C6orf118: variants seen among roughly 807,000 people sequenced by gnomAD.
C6orf118 encodes the protein chromosome 6 open reading frame 118.
C6orf118 carries 50 observed loss-of-function variants against 50.2 expected under a neutral mutation model. The ratio of observed to expected loss-of-function variants is 1.00; its 90% CI spans 0.79 to 1.26. The LOEUF is 1.26. Ranked by LOEUF, C6orf118 falls within the 50% of genes most tolerant of loss-of-function variation. The pLI is 0.00. For missense variants in C6orf118, 641 were observed against 578.7 expected, an observed-to-expected ratio of 1.11 and a Z score of -1.10; for synonymous variants, 239 against 230.9, an observed-to-expected ratio of 1.03 and a Z score of -0.32.
Position 165,299,347 on chromosome 6 carries a change from TG to T in C6orf118, c.936+95del. ...GCTATTCTAAATTATGGGGCACACATGGGGCTTCTTGGATTCAGAAAGGTTT... is the reference window on the plus strand; with the variant it reads ...GCTATTCTAAATTATGGGGCACACATGGGCTTCTTGGATTCAGAAAGGTTT... On this transcript the variant is annotated intron_variant, in intron 4 of 8. Coordinates refer to ENST00000230301, the MANE Select transcript of C6orf118 (RefSeq NM_144980.4). 3 of 1,051,970 alleles carry T rather than the reference TG, an allele frequency of 2.9e-6. No individual in the cohort carries two copies. In the Admixed American group the frequency reaches 5.5e-5, roughly 19 times the overall value. The allele number at this position is 1,051,970 out of a possible 1,614,324, so 65.2% of individuals were successfully genotyped here.
intron 7 of C6orf118, among the ~76,000 whole-genome samples, chr6:165,287,368 A>G (rs1422945454): frequency 6.6e-6 from 1 of 152,196 alleles, no homozygotes; most frequent in African/African-American, 2.4e-5. Flanking sequence ...AGTAGCTTAT[A>G]CATTCAATGC....
At chr6:165,297,554 C>T (rs1201245014) in intron 5 of C6orf118, among the ~76,000 whole-genome samples, 1 of 151,990 alleles carries the variant, frequency 6.6e-6, no homozygotes, top group African/African-American at 2.4e-5. Context: ...TTCCTTTAAT[C>T]TTTTTTCAAA....
At chr6:165,307,311 C>T (rs1780775218) in intron 1 of C6orf118, among the ~76,000 whole-genome samples, 1 of 146,816 alleles carries the variant, frequency 6.8e-6, no homozygotes, top group South Asian at 2.2e-4. Flanking sequence ...GTAATCTCAG[C>T]ACTTTGGGAG....
intron 1 of C6orf118, among the ~76,000 whole-genome samples, chr6:165,305,087 A>G (rs991125106): frequency 1.4e-5 from 1 of 71,896 alleles, no homozygotes; most frequent in Non-Finnish European, 2.5e-5. Context: ...ACAAGGCTAC[A>G]GTAACCAAAA....
At chr6:165,309,118 G>C (rs1780848456) in intron 1 of C6orf118, among the ~76,000 whole-genome samples, 1 of 152,236 alleles carries the variant, frequency 6.6e-6, no homozygotes, top group Admixed American at 6.5e-5. Flanking sequence ...CTTCTGACTT[G>C]ATGAATGTGG....
chr6:165,298,133 A>T, intron 4 of C6orf118, 32 bp from the exon 5 acceptor site: 4 of 1,541,042 alleles, frequency 2.6e-6, no homozygotes, highest in Non-Finnish European at 3.5e-6. Flanking sequence ...AGGTGAGACA[A>T]GCACACAGGG....
chr6:165,292,311 C>A (rs948297363), intron 6 of C6orf118, among the ~76,000 whole-genome samples: 2 of 152,076 alleles, frequency 1.3e-5, no homozygotes, highest in African/African-American at 2.4e-5. Context: ...AGATAGAAAG[C>A]TTTGGGAAAA....
chr6:165,280,044 A>T lies in C6orf118; in HGVS notation c.*13T>A, dbSNP rs997079917. The T allele has an allele frequency of 1.9e-6, 3 of 1,599,752 alleles. No homozygotes were observed. The highest frequency in any genetic ancestry group is 2.5e-6 in the Non-Finnish European group (3 of 1,176,488). On this transcript the variant is annotated 3_prime_UTR_variant, in exon 9 of 9. Transcript: ENST00000230301. ...AAGAATTTCCACTGGCCATTTGTTC[A>T]GCCACTTGAGCGTTATCTTCTGTTT...
At chr6:165,288,197 T>A (rs1226500718) in intron 7 of C6orf118, among the ~76,000 whole-genome samples, 1 of 152,138 alleles carries the variant, frequency 6.6e-6, no homozygotes, top group Non-Finnish European at 1.5e-5. Flanking sequence ...ACATCACTGG[T>A]CATCAGAGAA....
Position 165,290,086 on chromosome 6 carries a change from A to G in C6orf118, c.1121-19T>C. The stretch of plus-strand genomic sequence containing the variant: ...GATGATTCTGGAAATATTTTTTAAA[A>G]CAAAGTATTACCATGTTTAATATCT... On this transcript the variant is annotated intron_variant, in intron 6 of 8. Coordinates refer to ENST00000230301, the MANE Select transcript of C6orf118 (RefSeq NM_144980.4). The G allele has an allele frequency of 6.8e-7, 1 of 1,467,470 alleles. No individual in the cohort carries two copies. Among genetic ancestry groups the G allele is most frequent in the South Asian group, 1.2e-5 (1 of 82,112 alleles). The allele number at this position is 1,467,470 out of a possible 1,614,324, so 90.9% of individuals were successfully genotyped here.
intron 1 of C6orf118, among the ~76,000 whole-genome samples, chr6:165,304,768 A>C (rs1488629787): frequency 2.5e-4 from 22 of 88,400 alleles, no homozygotes; most frequent in Non-Finnish European, 3.2e-4. Flanking sequence ...CTTACAAGGG[A>C]TGTGAAGGAC....
chr6:165,308,950 C>G (rs575663280), intron 1 of C6orf118, among the ~76,000 whole-genome samples: 1 of 152,370 alleles, frequency 6.6e-6, no homozygotes, highest in African/African-American at 2.4e-5. Context: ...TCGTCTGAAT[C>G]AGTCGGTAGT....
intron 6 of C6orf118, among the ~76,000 whole-genome samples, chr6:165,290,605 G>C (rs1004940154): frequency 6.6e-6 from 1 of 152,190 alleles, no homozygotes; most frequent in African/African-American, 2.4e-5. Flanking sequence ...GGGCAGATCT[G>C]AGAAGATTTG....
In C6orf118 at chr6:165,281,691, A is replaced by C. The variant is rs1258773341; in HGVS notation, c.1305T>G (p.His435Gln). The change falls in exon 8 of 9, where the codon CAT (histidine) becomes CAG (glutamine). Residue 435 changes from histidine (H) to glutamine (Q), a missense_variant and splice_region_variant. Transcript: ENST00000230301. ...ITENRIKSIEHEAIQLETENM... is the reference protein window; with the variant it reads ...ITENRIKSIEQEAIQLETENM... The stretch of plus-strand genomic sequence containing the variant: ...TTTCTGTTTCCAATTGTATAGCTTC[A>C]TGCTGGAAGAGAAGTTGTTTTAAAC... 1 of 1,482,756 alleles carries C rather than the reference A, an allele frequency of 6.7e-7. No individual in the cohort carries two copies. Among genetic ancestry groups the C allele is most frequent in the African/African-American group, 1.4e-5 (1 of 69,718 alleles). The allele number at this position is 1,482,756 out of a possible 1,614,324, so 91.8% of individuals were successfully genotyped here.
chr6:165,307,659 T>C (rs1039027197), intron 1 of C6orf118, among the ~76,000 whole-genome samples: 2 of 152,198 alleles, frequency 1.3e-5, no homozygotes, highest in Non-Finnish European at 1.5e-5. Flanking sequence ...AGAACATTCA[T>C]ATTCCCTCTG....
At position 165,282,835 on chromosome 6, in the gene C6orf118, T is replaced by C. The variant is rs148078180; in HGVS notation, c.1303-1142A>G. On this transcript the variant is annotated intron_variant, in intron 7 of 8. Transcript: ENST00000230301. ...TGGAATCTTCATAGGGAGTTTTCTA[T>C]TTCTTAGACTTGTTTTATCTAAGGA... Among the ~76,000 whole-genome samples the C allele has an allele frequency of 3.4e-3, 513 of 152,266 alleles. 3 individuals carry two copies. Among genetic ancestry groups the C allele is most frequent in the Non-Finnish European group, 6.2e-3 (422 of 68,024 alleles).
chr6:165,289,836 G>C, intron 7 of C6orf118, 50 bp downstream of exon 7: 1 of 1,313,006 alleles, frequency 7.6e-7, no homozygotes, highest in Non-Finnish European at 1.0e-6. Flanking sequence ...GTTTGCCAAG[G>C]TCTTCAAGCA....
chr6:165,280,568 G>A (rs552072132), intron 8 of C6orf118, among the ~76,000 whole-genome samples: 1 of 152,318 alleles, frequency 6.6e-6, no homozygotes, highest in East Asian at 1.9e-4. Context: ...ATAAGCTGGA[G>A]AGTGGGGTGC....
chr6:165,280,350 G>A (rs1438568613), intron 8 of C6orf118, among the ~76,000 whole-genome samples: 2 of 152,168 alleles, frequency 1.3e-5, no homozygotes, highest in Non-Finnish European at 2.9e-5. Flanking sequence ...TGGGAAGTAG[G>A]TGTACCATGA....
Sources: gnomAD v4.1 joint callset for allele counts (sites outside exome capture counted in the v4.1 genomes callset) on GRCh38, gnomAD v4.1.1 for gene constraint, MANE v1.5 for transcripts, NCBI Gene and HGNC (gene_info 2026-07-23, HGNC 2026-07-21) for gene names.